HIVEP3: variants seen among roughly 807,000 people sequenced by gnomAD.
HIVEP3 encodes the protein transcription factor HIVEP3.
Under a neutral mutation model 152.8 loss-of-function variants are expected in HIVEP3, and 49 were observed. That is an observed-to-expected ratio of 0.32 (90% CI 0.26 to 0.41). The LOEUF (loss-of-function observed/expected upper bound fraction) is 0.41. HIVEP3 is among the 10% of genes least tolerant of loss of function. The pLI is 1.00. For synonymous variants in HIVEP3, 1,269 were observed against 1,289.0 expected (o/e 0.98, Z 0.33); for missense variants, 2,790 against 3,103.3 (o/e 0.90, Z 2.40).
At chr1:41,835,488 C>T (rs527820673) in intron 1 of HIVEP3, among the ~76,000 whole-genome samples, 4 of 152,320 alleles carry the variant, frequency 2.6e-5, no homozygotes, top group African/African-American at 9.6e-5. Context: ...CCAAAAGGTG[C>T]TATTTCCAAG....
chr1:41,815,868 C>T (rs892192316), intron 1 of HIVEP3, among the ~76,000 whole-genome samples: 4 of 151,834 alleles, frequency 2.6e-5, no homozygotes, highest in Non-Finnish European at 5.9e-5. Flanking sequence ...CTCCTGGGTT[C>T]AAGCAATCCT....
chr1:41,577,591 A>G (rs1644345735), intron 4 of HIVEP3, among the ~76,000 whole-genome samples: 1 of 152,250 alleles, frequency 6.6e-6, no homozygotes, highest in Admixed American at 6.5e-5. Flanking sequence ...GAAAAGATCT[A>G]TGACCAAACA....
intron 2 of HIVEP3, among the ~76,000 whole-genome samples, chr1:41,687,162 G>T (rs1646126844): frequency 6.6e-6 from 1 of 152,192 alleles, no homozygotes; most frequent in African/African-American, 2.4e-5. Context: ...AACAGTAAGT[G>T]CAAAGGCCCT....
At chr1:41,648,343 C>T (rs1203615997) in intron 2 of HIVEP3, among the ~76,000 whole-genome samples, 1 of 149,030 alleles carries the variant, frequency 6.7e-6, no homozygotes, top group East Asian at 1.9e-4. Flanking sequence ...ACATTTCATC[C>T]CTCACCTCCA....
intron 5 of HIVEP3, among the ~76,000 whole-genome samples, chr1:41,544,619 C>A (rs368793922): frequency 1.6e-3 from 239 of 149,242 alleles, no homozygotes; most frequent in African/African-American, 5.6e-3. Flanking sequence ...TCACCGCCAC[C>A]ACTATCATCG....
chr1:42,009,098 T>C (rs1182211776), intron 1 of HIVEP3, among the ~76,000 whole-genome samples: 2 of 152,194 alleles, frequency 1.3e-5, no homozygotes, highest in African/African-American at 4.8e-5. Flanking sequence ...TTGTCATTAT[T>C]AAGCTGATAA....
At chr1:41,615,507 C>T (rs760897152) in intron 3 of HIVEP3, among the ~76,000 whole-genome samples, 9 of 152,202 alleles carry the variant, frequency 5.9e-5, no homozygotes, top group African/African-American at 9.7e-5. Flanking sequence ...AGAAGGGATT[C>T]GCGCAAGACC....
At chr1:41,828,862 T>C (rs529694355) in intron 1 of HIVEP3, among the ~76,000 whole-genome samples, 1 of 152,340 alleles carries the variant, frequency 6.6e-6, no homozygotes, top group East Asian at 1.9e-4. Context: ...CTCTTTAAAG[T>C]CTAGTTCATG....
rs7540749 is a variant in HIVEP3 at position 41,918,222 on chromosome 1, C to T, written c.-801+191G>A. Among the ~76,000 whole-genome samples, 30,995 of 152,088 alleles carry T rather than the reference C, an allele frequency of 0.2. 3,377 individuals are homozygous for T. Among genetic ancestry groups the T allele is most frequent in the African/African-American group, 0.27 (11,179 of 41,488 alleles). On this transcript the variant is annotated intron_variant, in intron 1 of 8. Transcript: ENST00000372583. The surrounding 1 kb of genome is among the most constrained non-coding windows in gnomAD (Gnocchi z 4.3). ...CGCTCAGCCCACCGGGGGCACTGGC[C>T]GCCACGCGCAGCCCACCCGGCCGGC...
intron 1 of HIVEP3, among the ~76,000 whole-genome samples, chr1:41,732,135 A>C (rs12082586): frequency 0.081 from 12,278 of 152,090 alleles, 1,668 homozygotes; most frequent in African/African-American, 0.28. Context: ...GGGCTAGACT[A>C]TGTGGGGAAG....
intron 5 of HIVEP3, among the ~76,000 whole-genome samples, chr1:41,526,841 TCA>T (rs139728081): frequency 4.5e-4 from 30 of 67,328 alleles, no homozygotes; most frequent in African/African-American, 9.1e-4. Context: ...TCACACCCGT[TCA>T]CACACTCACC....
intron 2 of HIVEP3, among the ~76,000 whole-genome samples, chr1:41,643,065 G>A (rs543399575): frequency 5.9e-5 from 9 of 152,212 alleles, no homozygotes; most frequent in East Asian, 3.9e-4. Flanking sequence ...TACCGCCACC[G>A]TCTTGGCCTA....
At chr1:41,545,785 CCACCACCAT>C (rs1346640457) in intron 5 of HIVEP3, among the ~76,000 whole-genome samples, 1 of 146,406 alleles carries the variant, frequency 6.8e-6, no homozygotes, top group Admixed American at 6.7e-5. Flanking sequence ...ACCACCACCA[CCACCACCAT>C]CACCACCATC....
intron 3 of HIVEP3, among the ~76,000 whole-genome samples, chr1:41,612,468 C>A (rs1644912167): frequency 6.6e-6 from 1 of 152,224 alleles, no homozygotes; most frequent in African/African-American, 2.4e-5. Flanking sequence ...CAATGTCTAA[C>A]ATACTTCATA....
At chr1:41,881,428 C>T (rs1372287558) in intron 1 of HIVEP3, among the ~76,000 whole-genome samples, 1 of 152,214 alleles carries the variant, frequency 6.6e-6, no homozygotes, top group East Asian at 1.9e-4. Context: ...TTCTTATCCA[C>T]TGCTCATCTC....
At chr1:41,762,017 A>G (rs1354955679) in intron 1 of HIVEP3, among the ~76,000 whole-genome samples, 1 of 152,096 alleles carries the variant, frequency 6.6e-6, no homozygotes, top group African/African-American at 2.4e-5. Flanking sequence ...CCCACTCCTC[A>G]CCTATTTTAC....
intron 1 of HIVEP3, among the ~76,000 whole-genome samples, chr1:41,980,003 G>C (rs1012150066): frequency 6.6e-6 from 1 of 152,196 alleles, no homozygotes; most frequent in Non-Finnish European, 1.5e-5. Flanking sequence ...GCAATGCCTA[G>C]CAAAGAAGCA....
intron 1 of HIVEP3, among the ~76,000 whole-genome samples, chr1:41,837,549 C>T (rs1643160255): frequency 6.6e-6 from 1 of 152,176 alleles, no homozygotes; most frequent in Admixed American, 6.5e-5. Context: ...TGGTCTCCAA[C>T]TCCCGACCTC....
intron 1 of HIVEP3, among the ~76,000 whole-genome samples, chr1:41,733,621 T>C (rs1461580900): frequency 6.6e-6 from 1 of 152,238 alleles, no homozygotes; most frequent in African/African-American, 2.4e-5. Flanking sequence ...TCTTGGGGCG[T>C]TGCCCTGGGA....
Sources: allele counts gnomAD v4.1 joint callset (sites outside exome capture counted in the v4.1 genomes callset), GRCh38; gene constraint gnomAD v4.1.1; non-coding constraint Gnocchi (gnomAD v3.1); transcripts MANE v1.5; gene names NCBI Gene and HGNC (gene_info 2026-07-23, HGNC 2026-07-21).